Variants in FOXP4 observed in about 807,000 individuals in gnomAD.
FOXP4 encodes forkhead box protein P4.
In FOXP4, 25 loss-of-function variants were observed where a neutral mutation model predicts 82.6. The ratio of observed to expected loss-of-function variants is 0.30; its 90% CI spans 0.22 to 0.42. The LOEUF (loss-of-function observed/expected upper bound fraction) is 0.42, where lower values mean the gene tolerates loss of function less well. FOXP4 is among the 10% of genes least tolerant of loss of function. The pLI is 1.00. For missense variants in FOXP4, 785 were observed against 900.9 expected (o/e 0.87, Z 1.65); for synonymous variants, 415 against 388.2 (o/e 1.07, Z -0.81).
chr6:41,581,144 G>T lies in FOXP4; in HGVS notation c.300+3063G>T, dbSNP rs558298773. ...CTCACTGCTATCTTTCCTTGCTGCA[G>T]CTGCAGCCCAGGATTAGTTTGAGGA... On this transcript the variant is annotated intron_variant, in intron 3 of 16. Coordinates refer to ENST00000307972, the MANE Select transcript of FOXP4 (RefSeq NM_001012426.2). 4.6e-5 allele frequency among the ~76,000 whole-genome samples: 7 copies of T among 152,330 alleles called. No individual in the cohort carries two copies. The East Asian group carries it at 1.3e-3, about 29-fold the overall frequency.
intron 5 of FOXP4, 75 bp from the exon 6 acceptor site, chr6:41,586,934 G>A (rs1332835280): frequency 1.4e-5 from 21 of 1,481,610 alleles, no homozygotes; most frequent in South Asian, 1.1e-4. Context: ...GGGGGTGGCC[G>A]CGGGGTGGGG....
intron 6 of FOXP4, 23 bp downstream of exon 6, chr6:41,587,179 C>T (rs1766185543): frequency 6.2e-7 from 1 of 1,608,602 alleles, no homozygotes; most frequent in South Asian, 1.1e-5. Context: ...CACTCCTCCC[C>T]TCCCAGCCCC....
chr6:41,578,631 A>G (rs1380534274), intron 3 of FOXP4, among the ~76,000 whole-genome samples: 1 of 137,900 alleles, frequency 7.3e-6, no homozygotes, highest in African/African-American at 2.8e-5. Context: ...CCTTTGCACA[A>G]TCTGCCCTTT....
intron 13 of FOXP4, among the ~76,000 whole-genome samples, chr6:41,594,349 A>C (rs1373852682): frequency 6.6e-6 from 1 of 152,186 alleles, no homozygotes; most frequent in Non-Finnish European, 1.5e-5. Flanking sequence ...CAGCCAAAGC[A>C]TGGCTCCCAG....
At chr6:41,587,996 C>G in intron 8 of FOXP4, 99 bp downstream of exon 8, 2 of 679,872 alleles carry the variant, frequency 2.9e-6, no homozygotes, top group Non-Finnish European at 5.3e-6. Context: ...GCCCTCCTCA[C>G]TAGCTGTACT....
chr6:41,556,125 C>T (rs190929311), intron 1 of FOXP4, among the ~76,000 whole-genome samples: 2 of 151,820 alleles, frequency 1.3e-5, no homozygotes, highest in African/African-American at 2.4e-5. Flanking sequence ...GGAGTTAGGA[C>T]GCGGGGAGGA....
chr6:41,573,243 C>T (rs1765295633), intron 2 of FOXP4, among the ~76,000 whole-genome samples: 1 of 152,094 alleles, frequency 6.6e-6, no homozygotes, highest in Admixed American at 6.5e-5. Context: ...CCCTCTCCCA[C>T]CCCCCACTCC....
intron 1 of FOXP4, among the ~76,000 whole-genome samples, chr6:41,553,577 T>A (rs757346891): frequency 2.0e-5 from 3 of 152,158 alleles, no homozygotes; most frequent in Non-Finnish European, 4.4e-5. Flanking sequence ...GGACTTCCCC[T>A]CCCCTGGACC....
chr6:41,552,763 A>C (rs1221356037), intron 1 of FOXP4, among the ~76,000 whole-genome samples: 1 of 152,140 alleles, frequency 6.6e-6, no homozygotes, highest in Non-Finnish European at 1.5e-5. Flanking sequence ...CTCAGGCAGC[A>C]TGGCAGTGTT....
rs1280319061 is a variant in FOXP4, at chr6:41,556,324, TG to T, written c.-16-9420del. Among the ~76,000 whole-genome samples, 57 of 147,538 alleles carry T rather than the reference TG, an allele frequency of 3.9e-4. 1 individual carries two copies. In the East Asian group the frequency reaches 6.9e-3, roughly 18 times the overall value. On this transcript the variant is annotated intron_variant, in intron 1 of 16. Transcript: ENST00000307972. ...AAAGCACTCTTGGGGACTCTGTGAA[TG>T]TTTTTTTTTTTTTTTTGAAATGGAG... is the stretch of plus-strand genomic sequence containing the variant.
At chr6:41,581,389 G>A (rs898064729) in intron 3 of FOXP4, among the ~76,000 whole-genome samples, 2 of 152,210 alleles carry the variant, frequency 1.3e-5, no homozygotes, top group Admixed American at 6.5e-5. Context: ...CGAGCACGCT[G>A]TATTCATGGG....
Position 41,598,825 on chromosome 6 carries a change from A to G in FOXP4, c.1932A>G (p.Ala644=), listed in dbSNP as rs1451988076. 2 of 1,574,358 alleles carry G rather than the reference A, an allele frequency of 1.3e-6. No individual in the cohort carries two copies. The highest frequency in any genetic ancestry group is 3.8e-5 in the Admixed American group (2 of 52,484). The change falls in exon 17 of 17, where the codon GCA becomes GCG. Residue 644 remains alanine (A), a synonymous_variant. Transcript: ENST00000307972. ...AGGTGAAGGAGGAGCCAGCAGAGGC[A>G]GAGGAAGACAGGCAGCCCGGGCCTC... ...QVQVKEEPAE[A]EEDRQPGPPL...
At chr6:41,547,486 G>C (rs9381075) in intron 1 of FOXP4, 4,834 of 152,434 alleles carry the variant, frequency 0.032, 265 homozygotes, top group East Asian at 0.16. Flanking sequence ...TGGTGAAGAG[G>C]GGACTTGTCT....
At position 41,546,822 on chromosome 6, in the gene FOXP4, G is replaced by T. The variant is rs900299905; in HGVS notation, c.-62G>T. The T allele has an allele frequency of 2.0e-5, 3 of 148,820 alleles. No individual in the cohort carries two copies. Among genetic ancestry groups the T allele is most frequent in the African/African-American group, 7.3e-5 (3 of 40,962 alleles). 9.2% of individuals were successfully genotyped at this position (148,820 alleles called of 1,614,324 possible). The stretch of plus-strand genomic sequence containing the variant: ...GACCGGAGCGAGCCCCATGCCCCGC[G>T]CGGGCTGACGGGCCGGAGCCCGCAC... On this transcript the variant is annotated 5_prime_UTR_variant, in exon 1 of 17. Coordinates refer to ENST00000307972, the MANE Select transcript of FOXP4 (RefSeq NM_001012426.2).
intron 2 of FOXP4, among the ~76,000 whole-genome samples, chr6:41,573,252 C>T (rs1016394332): frequency 6.6e-6 from 1 of 152,158 alleles, no homozygotes; most frequent in African/African-American, 2.4e-5. Flanking sequence ...ACCCCCCACT[C>T]CACCAACCCC....
In FOXP4 at chr6:41,599,109, G is replaced by C. The variant is rs1025856461; in HGVS notation, c.*173G>C. ...ACCTGACAAAAACACGTAGGGGCAG[G>C]GACGGTCCCCACCCCCAGGGACACA... On this transcript the variant is annotated 3_prime_UTR_variant, in exon 17 of 17. Transcript: ENST00000307972. The C allele has an allele frequency of 1.2e-6, 1 of 863,560 alleles. No homozygotes were observed. The highest frequency in any genetic ancestry group is 1.7e-5 in the African/African-American group (1 of 58,360). 53.5% of individuals were successfully genotyped at this position (863,560 alleles called of 1,614,324 possible).
At chr6:41,589,195 C>T (rs1373037097) in intron 9 of FOXP4, among the ~76,000 whole-genome samples, 1 of 152,196 alleles carries the variant, frequency 6.6e-6, no homozygotes, top group South Asian at 2.1e-4. Flanking sequence ...CCTGGCTTTC[C>T]CAAGGGAGTA....
intron 2 of FOXP4, among the ~76,000 whole-genome samples, chr6:41,575,409 A>C (rs1765424695): frequency 6.6e-6 from 1 of 152,040 alleles, no homozygotes; most frequent in African/African-American, 2.4e-5. Flanking sequence ...ATGTGAGAAG[A>C]GTGGTGAGTG....
intron 8 of FOXP4, among the ~76,000 whole-genome samples, 189 bp from the exon 9 acceptor site, chr6:41,588,455 C>T (rs1766292741): frequency 6.6e-6 from 1 of 152,256 alleles, no homozygotes; most frequent in Non-Finnish European, 1.5e-5. Context: ...TTAGCAAAGA[C>T]ATCAAAGGAG....
Sources: gnomAD v4.1 joint callset for allele counts (sites outside exome capture counted in the v4.1 genomes callset) on GRCh38, gnomAD v4.1.1 for gene constraint, MANE v1.5 for transcripts, NCBI Gene and HGNC (gene_info 2026-07-23, HGNC 2026-07-21) for gene names.